Variants in DZIP3 observed in about 807,000 individuals in gnomAD.
The protein encoded by DZIP3 is E3 ubiquitin-protein ligase DZIP3.
A neutral mutation model predicts 162.0 loss-of-function variants in DZIP3; 118 were observed. The observed-to-expected ratio is 0.73, with a 90% CI of 0.63 to 0.85. The LOEUF (loss-of-function observed/expected upper bound fraction) is 0.85, where lower values mean the gene tolerates loss of function less well. DZIP3 is among the 40% of genes least tolerant of loss of function. The pLI, the probability that DZIP3 is intolerant of heterozygous loss-of-function variation, is 0.00. For synonymous variants in DZIP3, 438 were observed against 458.6 expected (o/e 0.96, Z 0.57); for missense variants, 1,331 against 1,407.0 (o/e 0.95, Z 0.86).
At chr3:108,645,689 A>G (rs1031292017) in intron 14 of DZIP3, among the ~76,000 whole-genome samples, 38 of 152,298 alleles carry the variant, frequency 2.5e-4, no homozygotes, top group East Asian at 1.9e-4. Context: ...ATACAACTGT[A>G]AAAGTTTCTA....
At chr3:108,651,909 A>G (rs1461729985) in intron 18 of DZIP3, among the ~76,000 whole-genome samples, 1 of 151,816 alleles carries the variant, frequency 6.6e-6, no homozygotes, top group Non-Finnish European at 1.5e-5. Context: ...GTAAGATCAT[A>G]TTTTGTTAAC....
intron 16 of DZIP3, 129 bp from the exon 17 acceptor site, chr3:108,648,789 G>T: frequency 2.4e-6 from 1 of 413,202 alleles, no homozygotes; most frequent in Admixed American, 5.0e-5. Flanking sequence ...TGTTTCCATA[G>T]AATCTAGAAA....
intron 19 of DZIP3, among the ~76,000 whole-genome samples, chr3:108,655,263 A>G (rs920839268): frequency 6.6e-6 from 1 of 152,208 alleles, no homozygotes; most frequent in Non-Finnish European, 1.5e-5. Flanking sequence ...TCTACAATCT[A>G]TGGATAATGT....
chr3:108,673,112 A>T (rs1240999873), intron 23 of DZIP3, among the ~76,000 whole-genome samples: 4 of 152,004 alleles, frequency 2.6e-5, no homozygotes, highest in Non-Finnish European at 5.9e-5. Flanking sequence ...AGAACACCAC[A>T]GCTAGGGTCT....
intron 4 of DZIP3, among the ~76,000 whole-genome samples, chr3:108,616,022 T>A (rs990176405): frequency 6.6e-6 from 1 of 152,078 alleles, no homozygotes; most frequent in African/African-American, 2.4e-5. Flanking sequence ...CCCAGCACTT[T>A]AGGAGGCCAA....
Position 108,608,115 on chromosome 3 carries a change from A to G in DZIP3, c.59A>G (p.Lys20Arg), listed in dbSNP as rs779048494. Residue 20 changes from lysine (K) to arginine (R), a missense_variant, in exon 3 of 33, where the codon AAG (lysine) becomes AGG (arginine). Lys to Arg is a conservative substitution (Grantham distance 26, BLOSUM62 2). Coordinates refer to ENST00000361582, the MANE Select transcript of DZIP3 (RefSeq NM_014648.4). Reference sequence around the variant, plus strand: ...CATCCTGCTGTGGAGGATCAGAGGAAGGAAGAAACTGAGAATAAGCTAGAA... The same window carrying G: ...CATCCTGCTGTGGAGGATCAGAGGAGGGAAGAAACTGAGAATAAGCTAGAA... ...VRHPAVEDQRKEETENKLEKS... is the reference protein window; with the variant it reads ...VRHPAVEDQRREETENKLEKS... The G allele has an allele frequency of 1.9e-6, 3 of 1,613,326 alleles. No individual in the cohort carries two copies. The highest frequency in any genetic ancestry group is 2.5e-6 in the Non-Finnish European group (3 of 1,179,538).
chr3:108,646,747 T>C (rs1423872579), intron 15 of DZIP3, 98 bp downstream of exon 15: 6 of 971,670 alleles, frequency 6.2e-6, no homozygotes, highest in African/African-American at 3.4e-5. Context: ...TAAACTATAA[T>C]TGTGAAGAAC....
Position 108,608,174 on chromosome 3 carries a change from A to C in DZIP3, c.102+16A>C. The C allele has an allele frequency of 6.3e-7, 1 of 1,577,284 alleles. No homozygotes were observed. On this transcript the variant is annotated intron_variant, in intron 3 of 32. Coordinates refer to ENST00000361582, the MANE Select transcript of DZIP3 (RefSeq NM_014648.4). ...TGGTCAACTGGTAAGAGAAAGTTTA[A>C]TTTTCATTAACTGTTAGTTAATTGA...
intron 1 of DZIP3, among the ~76,000 whole-genome samples, chr3:108,595,640 G>T (rs1214689235): frequency 5.9e-5 from 9 of 152,154 alleles, no homozygotes. Flanking sequence ...CAAATTTAGG[G>T]CTGTCTAGCT....
At chr3:108,668,981 A>ATAC (rs1175440820) in intron 21 of DZIP3, among the ~76,000 whole-genome samples, 9 of 152,022 alleles carry the variant, frequency 5.9e-5, no homozygotes, top group Admixed American at 5.9e-4. Flanking sequence ...GTGAAAAGAA[A>ATAC]TACAGCAGCA....
In DZIP3 at chr3:108,644,345, C is replaced by T. The variant is rs149165938; in HGVS notation, c.1323C>T (p.Thr441=). 131 of 1,614,060 alleles carry T rather than the reference C, an allele frequency of 8.1e-5. No individual in the cohort carries two copies. In the African/African-American group the frequency reaches 1.5e-3, roughly 19 times the overall value. Residue 441 remains threonine (T), a synonymous_variant, in exon 14 of 33, where the codon ACC becomes ACT. Coordinates refer to ENST00000361582, the MANE Select transcript of DZIP3 (RefSeq NM_014648.4). ...VLESYYNHLW[T]NHPLGGSWHL... ...AATCCTACTACAACCATCTTTGGACCAATCATCCTTTGGGTGGATCATGGC... is the reference window on the plus strand; with the variant it reads ...AATCCTACTACAACCATCTTTGGACTAATCATCCTTTGGGTGGATCATGGC...
intron 32 of DZIP3, chr3:108,691,421 AG>A (rs1944693191): frequency 6.6e-6 from 1 of 151,812 alleles, no homozygotes; most frequent in Non-Finnish European, 1.5e-5. Context: ...AAAAAAAAAA[AG>A]AAGTGGATAT....
rs1017411821 is a variant in DZIP3 at position 108,693,441 on chromosome 3, G to T, written c.*88G>T. The stretch of plus-strand genomic sequence containing the variant: ...GGAGCTGGCTTGTAATGTCTTATGA[G>T]TGACAATCGTTAGTTTGAGGAATTT... On this transcript the variant is annotated 3_prime_UTR_variant, in exon 33 of 33. Coordinates refer to ENST00000361582, the MANE Select transcript of DZIP3 (RefSeq NM_014648.4). The T allele has an allele frequency of 6.6e-6, 1 of 152,168 alleles. No homozygotes were observed. Among genetic ancestry groups the T allele is most frequent in the Non-Finnish European group, 1.5e-5 (1 of 68,030 alleles). The allele number at this position is 152,168 out of a possible 1,614,324, so 9.4% of individuals were successfully genotyped here.
chr3:108,642,560 AT>A, intron 13 of DZIP3, 46 bp downstream of exon 13: 8 of 1,402,854 alleles, frequency 5.7e-6, no homozygotes, highest in Non-Finnish European at 7.6e-6. Flanking sequence ...GTATGTTAAA[AT>A]TTTTGACTTC....
chr3:108,604,130 A>G (rs1407800790), intron 1 of DZIP3, among the ~76,000 whole-genome samples: 2 of 152,180 alleles, frequency 1.3e-5, no homozygotes, highest in African/African-American at 4.8e-5. Context: ...CCTTTTAGTA[A>G]TGGGCCTAGC....
In DZIP3 at chr3:108,677,499, A is replaced by G. The variant is rs142312902; in HGVS notation, c.2784A>G (p.Thr928=). 2.2e-5 allele frequency: 36 copies of G among 1,612,204 alleles called. No homozygotes were observed. The highest frequency in any genetic ancestry group is 2.9e-5 in the Non-Finnish European group (34 of 1,178,750). The change falls in exon 26 of 33, where the codon ACA becomes ACG. Residue 928 remains threonine, a splice_region_variant and synonymous_variant. Coordinates refer to ENST00000361582, the MANE Select transcript of DZIP3 (RefSeq NM_014648.4). Reference sequence around the variant, plus strand: ...TATTTTTAGTCTTCTTCTACCAGACACAGTACAATGAACAAATAAACAAAG... The same window carrying G: ...TATTTTTAGTCTTCTTCTACCAGACGCAGTACAATGAACAAATAAACAAAG... ...DVRNKIAFLR[T]QYNEQINKVK...
chr3:108,624,358 A>G, intron 5 of DZIP3, 86 bp from the exon 6 acceptor site: 1 of 709,170 alleles, frequency 1.4e-6, no homozygotes, highest in South Asian at 1.7e-5. Flanking sequence ...ATAATTATTA[A>G]TTAAGCTTAG....
chr3:108,647,632 G>T (rs1212998651), intron 15 of DZIP3, among the ~76,000 whole-genome samples: 1 of 152,086 alleles, frequency 6.6e-6, no homozygotes, highest in Non-Finnish European at 1.5e-5. Flanking sequence ...TAGGATCAAG[G>T]TCAGGACATG....
At chr3:108,692,122 C>T (rs1405640897) in intron 32 of DZIP3, among the ~76,000 whole-genome samples, 1 of 151,922 alleles carries the variant, frequency 6.6e-6, no homozygotes, top group Non-Finnish European at 1.5e-5. Flanking sequence ...AGTTTTTTCT[C>T]CCCTACAAAG....
Sources: gnomAD v4.1 joint callset for allele counts (sites outside exome capture counted in the v4.1 genomes callset) on GRCh38, gnomAD v4.1.1 for gene constraint, MANE v1.5 for transcripts, NCBI Gene and HGNC (gene_info 2026-07-23, HGNC 2026-07-21) for gene names.